SCN7A: variants seen among roughly 807,000 people sequenced by gnomAD.
The protein encoded by SCN7A is sodium channel protein type 7 subunit alpha.
SCN7A carries 138 observed loss-of-function variants against 155.2 expected under a neutral mutation model. The observed-to-expected ratio is 0.89, with a 90% CI of 0.77 to 1.02. The LOEUF is 1.02. Among genes scored for constraint, SCN7A ranks in the 50% least tolerant of loss-of-function variants. The pLI, the probability that SCN7A is intolerant of heterozygous loss-of-function variation, is 0.00. For synonymous variants in SCN7A, 693 were observed against 649.0 expected (o/e 1.07, Z -1.03); for missense variants, 2,058 against 1,986.6 (o/e 1.04, Z -0.68).
chr2:166,403,652 CTCTT>C lies in SCN7A; in HGVS notation c.*1924_*1927del, dbSNP rs1388033089. 2 of 151,906 alleles carry C rather than the reference CTCTT, an allele frequency of 1.3e-5. No individual in the cohort carries two copies. Among genetic ancestry groups the C allele is most frequent in the African/African-American group, 4.8e-5 (2 of 41,374 alleles). The allele number at this position is 151,906 out of a possible 1,614,324, so 9.4% of individuals were successfully genotyped here. A position where few individuals can be genotyped will look rare whatever the true frequency, so the allele number is the denominator to read the frequency against. On this transcript the variant is annotated 3_prime_UTR_variant, in exon 26 of 26. Coordinates refer to ENST00000643258, the MANE Select transcript of SCN7A (RefSeq NM_002976.4). ...ATTGTTAAGACTTTGTTAAAAATAACTCTTTACACAGCTTTCGGAAGGTAACTGG... is the reference window on the plus strand; with the variant it reads ...ATTGTTAAGACTTTGTTAAAAATAACTACACAGCTTTCGGAAGGTAACTGG...
intron 2 of SCN7A, among the ~76,000 whole-genome samples, chr2:166,485,538 A>C (rs1703027649): frequency 6.6e-6 from 1 of 152,168 alleles, no homozygotes; most frequent in African/African-American, 2.4e-5. Context: ...GACACGAATC[A>C]CTGGGAATAA....
intron 21 of SCN7A, chr2:166,414,799 TAATA>T (rs1701325054): frequency 1.5e-5 from 2 of 135,346 alleles, no homozygotes; most frequent in Admixed American, 1.6e-4. Context: ...TTATATAGGA[TAATA>T]TATAGTAGGA....
At chr2:166,456,767 T>A in intron 11 of SCN7A, 103 bp downstream of exon 11, 1 of 541,824 alleles carries the variant, frequency 1.8e-6, no homozygotes, top group Non-Finnish European at 2.8e-6. Flanking sequence ...AGCCATAGAA[T>A]CATGAGCAAA....
At chr2:166,449,866 A>G (rs1702141492) in intron 11 of SCN7A, among the ~76,000 whole-genome samples, 1 of 152,190 alleles carries the variant, frequency 6.6e-6, no homozygotes. Context: ...GTACACTGCT[A>G]GTGGGAATGT....
rs1387819625 is a variant in SCN7A at position 166,403,947 on chromosome 2, A to G, written c.*1633T>C. 3 of 151,802 alleles carry G rather than the reference A, an allele frequency of 2.0e-5. No individual in the cohort carries two copies. Among genetic ancestry groups the G allele is most frequent in the African/African-American group, 7.2e-5 (3 of 41,386 alleles). The allele number at this position is 151,802 out of a possible 1,614,324, so 9.4% of individuals were successfully genotyped here. A position where few individuals can be genotyped will look rare whatever the true frequency, so the allele number is the denominator to read the frequency against. ...AAGGAACACTTAGAGAGGAAAAAAA[A>G]AAAACCCTGAAATCTGAAATTACAT... On this transcript the variant is annotated 3_prime_UTR_variant, in exon 26 of 26. Coordinates refer to ENST00000643258, the MANE Select transcript of SCN7A (RefSeq NM_002976.4).
At chr2:166,440,462 C>G (rs1701936687) in intron 15 of SCN7A, 1 of 151,964 alleles carries the variant, frequency 6.6e-6, no homozygotes, top group Admixed American at 6.6e-5. Flanking sequence ...CCACGTGATG[C>G]CAATATTACA....
chr2:166,487,029 G>C (rs911096959), intron 1 of SCN7A, 61 bp from the exon 2 acceptor site: 2 of 152,152 alleles, frequency 1.3e-5, no homozygotes, highest in Middle Eastern at 3.2e-3. Flanking sequence ...ATTCACTTTT[G>C]CATGTGGCTC....
intron 3 of SCN7A, among the ~76,000 whole-genome samples, chr2:166,476,140 G>GT (rs1353739755): frequency 5.9e-5 from 9 of 151,856 alleles, no homozygotes; most frequent in Admixed American, 5.9e-4. Context: ...GATTAAGCAT[G>GT]TATATTATAA....
intron 2 of SCN7A, 43 bp downstream of exon 2, chr2:166,486,813 G>A (rs1366552241): frequency 1.3e-5 from 2 of 152,188 alleles, no homozygotes; most frequent in Non-Finnish European, 2.9e-5. Context: ...GATAGCCTGA[G>A]TATGAGAGAT....
At chr2:166,483,609 A>C (rs1702979860) in intron 2 of SCN7A, among the ~76,000 whole-genome samples, 1 of 151,886 alleles carries the variant, frequency 6.6e-6, no homozygotes, top group Non-Finnish European at 1.5e-5. Flanking sequence ...AATTTAAAAC[A>C]ACAAAACTTA....
At chr2:166,415,682 G>A (rs528675745) in intron 21 of SCN7A, among the ~76,000 whole-genome samples, 38 of 152,248 alleles carry the variant, frequency 2.5e-4, no homozygotes, top group African/African-American at 9.1e-4. Context: ...ACTTTCTTAT[G>A]ACTGTCTTAC....
At chr2:166,422,426 G>A (rs1701529930) in intron 19 of SCN7A, among the ~76,000 whole-genome samples, 1 of 152,088 alleles carries the variant, frequency 6.6e-6, no homozygotes. Flanking sequence ...AAGAGAAAGG[G>A]AGTATTGGAG....
intron 16 of SCN7A, among the ~76,000 whole-genome samples, chr2:166,429,615 A>C (rs1701692460): frequency 6.6e-6 from 1 of 152,110 alleles, no homozygotes; most frequent in South Asian, 2.1e-4. Flanking sequence ...GTAAGTCACA[A>C]GTTTCCCATA....
chr2:166,447,425 C>T (rs1702087238), intron 12 of SCN7A, among the ~76,000 whole-genome samples, 187 bp downstream of exon 12: 1 of 152,150 alleles, frequency 6.6e-6, no homozygotes, highest in Admixed American at 6.5e-5. Flanking sequence ...TCTTTGGTCA[C>T]TCTTTCCAAT....
intron 6 of SCN7A, among the ~76,000 whole-genome samples, chr2:166,471,412 G>A (rs999585155): frequency 2.0e-5 from 3 of 151,824 alleles, no homozygotes; most frequent in Non-Finnish European, 2.9e-5. Flanking sequence ...GGCTCTGTAA[G>A]TGTTAGCTAA....
At chr2:166,410,048 C>T (rs1701165808) in intron 24 of SCN7A, 113 bp from the exon 25 acceptor site, 2 of 1,257,106 alleles carry the variant, frequency 1.6e-6, no homozygotes, top group Non-Finnish European at 2.1e-6. Flanking sequence ...TAAGTGTGAA[C>T]CTAAATTTTT....
At chr2:166,426,845 T>C (rs1701635273) in intron 18 of SCN7A, among the ~76,000 whole-genome samples, 1 of 152,068 alleles carries the variant, frequency 6.6e-6, no homozygotes, top group South Asian at 2.1e-4. Flanking sequence ...GTTTTCAATA[T>C]GTGTGGTAAA....
At chr2:166,487,829 T>C (rs1703085925) in intron 1 of SCN7A, among the ~76,000 whole-genome samples, 1 of 152,180 alleles carries the variant, frequency 6.6e-6, no homozygotes, top group South Asian at 2.1e-4. Flanking sequence ...AGACTGAGGA[T>C]AATATTGCAA....
chr2:166,439,446 G>A (rs1307985058), intron 15 of SCN7A, among the ~76,000 whole-genome samples: 7 of 152,148 alleles, frequency 4.6e-5, no homozygotes, highest in Non-Finnish European at 8.8e-5. Flanking sequence ...TTAGACTGCA[G>A]CAGCCATCTT....
Sources: gnomAD v4.1 joint callset for allele counts (sites outside exome capture counted in the v4.1 genomes callset) on GRCh38, gnomAD v4.1.1 for gene constraint, MANE v1.5 for transcripts, NCBI Gene and HGNC (gene_info 2026-07-23, HGNC 2026-07-21) for gene names.